Variants in HDAC4 observed in about 807,000 individuals in gnomAD.
HDAC4 encodes histone deacetylase A.
Under a neutral mutation model 135.1 loss-of-function variants are expected in HDAC4, and 16 were observed. The ratio of observed to expected loss-of-function variants is 0.12; its 90% confidence interval spans 0.08 to 0.18. The LOEUF (loss-of-function observed/expected upper bound fraction) is 0.18. Ranked by LOEUF, HDAC4 falls within the 10% of genes least tolerant of loss-of-function variation. The pLI is 1.00. For missense variants in HDAC4, 1,143 were observed against 1,511.8 expected (o/e 0.76, Z 4.05); for synonymous variants, 685 against 653.4 (o/e 1.05, Z -0.74).
At chr2:239,177,650 A>G (rs1466682303) in intron 4 of HDAC4, among the ~76,000 whole-genome samples, 2 of 152,210 alleles carry the variant, frequency 1.3e-5, no homozygotes, top group Non-Finnish European at 1.5e-5. Flanking sequence ...ACGTCGACAT[A>G]AAATGTTTGT....
chr2:239,340,438 C>T (rs549816189), intron 2 of HDAC4, among the ~76,000 whole-genome samples: 3 of 152,318 alleles, frequency 2.0e-5, no homozygotes, highest in East Asian at 3.9e-4. Flanking sequence ...CACCCAAATG[C>T]CTGTTGGTGC....
intron 1 of HDAC4, among the ~76,000 whole-genome samples, chr2:239,364,543 G>C (rs1273970572): frequency 4.6e-5 from 7 of 151,184 alleles, no homozygotes; most frequent in Non-Finnish European, 1.0e-4. Context: ...GGCCACTGAA[G>C]GAAGAACAAG....
chr2:239,097,802 C>A (rs528425606), intron 16 of HDAC4, among the ~76,000 whole-genome samples: 1 of 152,326 alleles, frequency 6.6e-6, no homozygotes, highest in South Asian at 2.1e-4. Flanking sequence ...TAATGCCAAC[C>A]TCACCACAGT....
chr2:239,204,894 A>G (rs2045955024), intron 3 of HDAC4, among the ~76,000 whole-genome samples: 1 of 152,096 alleles, frequency 6.6e-6, no homozygotes, highest in South Asian at 2.1e-4. Context: ...ATTGCCCCCA[A>G]CAGAGCTAAC....
intron 3 of HDAC4, among the ~76,000 whole-genome samples, chr2:239,210,752 C>T (rs1281051570): frequency 1.3e-5 from 2 of 152,168 alleles, no homozygotes; most frequent in Non-Finnish European, 2.9e-5. Flanking sequence ...TTCCTGGTGA[C>T]AGAGGACACT....
At chr2:239,271,239 G>A (rs1229792636) in intron 2 of HDAC4, among the ~76,000 whole-genome samples, 1 of 152,124 alleles carries the variant, frequency 6.6e-6, no homozygotes, top group Non-Finnish European at 1.5e-5. Context: ...TCACACTCCT[G>A]AGTAGCTGGA....
intron 15 of HDAC4, among the ~76,000 whole-genome samples, chr2:239,104,519 C>T (rs1264022045): frequency 2.0e-5 from 3 of 152,208 alleles, no homozygotes; most frequent in Non-Finnish European, 2.9e-5. Flanking sequence ...AGTGAGCCAC[C>T]GCACCTGGCC....
intron 3 of HDAC4, among the ~76,000 whole-genome samples, chr2:239,232,235 GA>G (rs1297714073): frequency 6.6e-6 from 1 of 152,232 alleles, no homozygotes; most frequent in African/African-American, 2.4e-5. Context: ...CAATGAATCT[GA>G]AACAAATGAC....
At chr2:239,247,230 G>C (rs1015730031) in intron 2 of HDAC4, among the ~76,000 whole-genome samples, 1 of 152,218 alleles carries the variant, frequency 6.6e-6, no homozygotes, top group Non-Finnish European at 1.5e-5. Context: ...CACCACTTCT[G>C]TTTCCCCGCA....
chr2:239,098,480 G>A (rs1380471255), intron 16 of HDAC4, among the ~76,000 whole-genome samples: 1 of 152,226 alleles, frequency 6.6e-6, no homozygotes, highest in East Asian at 1.9e-4. Context: ...AGCATCACCG[G>A]CACCCACTCG....
At chr2:239,342,817 C>T (rs1692374833) in intron 2 of HDAC4, among the ~76,000 whole-genome samples, 1 of 151,554 alleles carries the variant, frequency 6.6e-6, no homozygotes, top group African/African-American at 2.4e-5. Context: ...AGGATCCTCA[C>T]AGACAACCAA....
intron 2 of HDAC4, among the ~76,000 whole-genome samples, chr2:239,276,529 C>A (rs1242071831): frequency 2.0e-5 from 3 of 152,236 alleles, no homozygotes; most frequent in Admixed American, 2.0e-4. Context: ...GAAACGGCTT[C>A]ACCAGTCATG....
chr2:239,229,628 A>G (rs918319545), intron 3 of HDAC4, among the ~76,000 whole-genome samples: 1 of 152,208 alleles, frequency 6.6e-6, no homozygotes, highest in East Asian at 1.9e-4. Context: ...TACAGGCAAC[A>G]CATGTAAGGT....
rs1217389169 is a variant in HDAC4 at position 239,303,579 on chromosome 2, C to T, written c.22+49099G>A. The stretch of plus-strand genomic sequence containing the variant: ...TCATCAATGTTACGTTGTCAGCTTT[C>T]TCTGTTTTCTTTCTTTCTTTTTTTT... On this transcript the variant is annotated intron_variant, in intron 2 of 26. Transcript: ENST00000543185. This position sits in a 1 kb window ranked among gnomAD's most constrained non-coding sequence, Gnocchi z 5.1. Among the ~76,000 whole-genome samples, 1 of 152,100 alleles carries T rather than the reference C, an allele frequency of 6.6e-6. No individual in the cohort carries two copies. Among genetic ancestry groups the T allele is most frequent in the African/African-American group, 2.4e-5 (1 of 41,436 alleles).
intron 2 of HDAC4, among the ~76,000 whole-genome samples, chr2:239,243,648 A>G (rs1262175508): frequency 6.6e-6 from 1 of 152,234 alleles, no homozygotes; most frequent in East Asian, 1.9e-4. Flanking sequence ...TCTTCATTGC[A>G]GCCAATCTCC....
At chr2:239,175,056 C>G (rs937337876) in intron 5 of HDAC4, among the ~76,000 whole-genome samples, 1 of 152,186 alleles carries the variant, frequency 6.6e-6, no homozygotes, top group Non-Finnish European at 1.5e-5. Flanking sequence ...ACTCTCCTTA[C>G]CTGGAATCCT....
At chr2:239,133,655 C>G (rs575482540) in intron 11 of HDAC4, among the ~76,000 whole-genome samples, 1 of 152,026 alleles carries the variant, frequency 6.6e-6, no homozygotes, top group Non-Finnish European at 1.5e-5. Context: ...TTAGTAGAGA[C>G]GGGGTTTCAC....
intron 6 of HDAC4, among the ~76,000 whole-genome samples, chr2:239,161,619 T>C (rs530321129): frequency 1.3e-5 from 2 of 152,312 alleles, no homozygotes; most frequent in Non-Finnish European, 2.9e-5. Flanking sequence ...ACCTGTCCTA[T>C]GGCTGACTTG....
intron 24 of HDAC4, among the ~76,000 whole-genome samples, chr2:239,058,140 G>A (rs910923379): frequency 1.3e-5 from 2 of 152,212 alleles, no homozygotes; most frequent in African/African-American, 2.4e-5. Context: ...GGCCCAGTCC[G>A]GGCTTTGGTT....
Sources: gnomAD v4.1 joint callset for allele counts (sites outside exome capture counted in the v4.1 genomes callset) on GRCh38, gnomAD v4.1.1 for gene constraint, Gnocchi (gnomAD v3.1) non-coding constraint, MANE v1.5 for transcripts, NCBI Gene and HGNC (gene_info 2026-07-23, HGNC 2026-07-21) for gene names.